The following INPP4B variants were observed in gnomAD, a reference collection of about 807,000 sequenced individuals.
The protein encoded by INPP4B is inositol polyphosphate-4-phosphatase type II B.
Under a neutral mutation model 122.5 loss-of-function variants are expected in INPP4B, and 55 were observed. That is an observed-to-expected ratio of 0.45 (90% CI 0.36 to 0.56). The LOEUF (loss-of-function observed/expected upper bound fraction) is 0.56, where lower values mean the gene tolerates loss of function less well. Ranked by LOEUF, INPP4B falls within the 20% of genes least tolerant of loss-of-function variation. INPP4B has a pLI of 0.00. For synonymous variants in INPP4B, 403 were observed against 388.7 expected (o/e 1.04, Z -0.43); for missense variants, 1,000 against 1,097.7 (o/e 0.91, Z 1.26).
At chr4:142,783,332 A>G (rs1168422401) in intron 1 of INPP4B, among the ~76,000 whole-genome samples, 2 of 152,014 alleles carry the variant, frequency 1.3e-5, no homozygotes, top group Admixed American at 6.6e-5. Flanking sequence ...AAAACAAACA[A>G]CCCCTTCAAA....
At chr4:142,255,785 G>C (rs999612542) in intron 11 of INPP4B, among the ~76,000 whole-genome samples, 7 of 151,842 alleles carry the variant, frequency 4.6e-5, no homozygotes, top group African/African-American at 1.7e-4. Flanking sequence ...GTCAACATTA[G>C]ACAGATCAAC....
chr4:142,506,919 T>C (rs1050574805), intron 2 of INPP4B, among the ~76,000 whole-genome samples: 2 of 152,170 alleles, frequency 1.3e-5, no homozygotes, highest in Non-Finnish European at 2.9e-5. Context: ...AGGACAGTGG[T>C]TGGAGAAAAG....
Position 142,618,745 on chromosome 4 carries a change from A to C in INPP4B, c.-191+107094T>G, listed in dbSNP as rs373739802. Among the ~76,000 whole-genome samples, 7 of 152,186 alleles carry C rather than the reference A, an allele frequency of 4.6e-5. No homozygotes were observed. The East Asian group carries it at 7.7e-4, about 17-fold the overall frequency. ...AACTAGGCAAATGGGACTATACCAAACTAAAAAGCTTCTGCAGAGTAAACA... is the reference window on the plus strand; with the variant it reads ...AACTAGGCAAATGGGACTATACCAACCTAAAAAGCTTCTGCAGAGTAAACA... On this transcript the variant is annotated intron_variant, in intron 2 of 25. Transcript: ENST00000262992.
chr4:142,715,897 G>C (rs1763694582), intron 2 of INPP4B, among the ~76,000 whole-genome samples: 1 of 152,166 alleles, frequency 6.6e-6, no homozygotes, highest in African/African-American at 2.4e-5. Flanking sequence ...TACATGGTTG[G>C]CAAATGATGC....
chr4:142,084,800 G>A (rs1019287074), intron 24 of INPP4B, among the ~76,000 whole-genome samples: 2 of 152,030 alleles, frequency 1.3e-5, no homozygotes, highest in South Asian at 2.1e-4. Context: ...TTATACATGT[G>A]TATCCTTAAT....
At chr4:142,223,223 C>T (rs953828533) in intron 12 of INPP4B, among the ~76,000 whole-genome samples, 4 of 152,050 alleles carry the variant, frequency 2.6e-5, no homozygotes, top group African/African-American at 9.7e-5. Context: ...CACTCACACA[C>T]ACACTATAGT....
chr4:142,084,904 G>A (rs552496162), intron 24 of INPP4B, among the ~76,000 whole-genome samples: 77 of 152,192 alleles, frequency 5.1e-4, no homozygotes, highest in South Asian at 2.7e-3. Flanking sequence ...TCTTCATGCC[G>A]TCATGTTTTC....
chr4:142,749,218 C>T, intron 1 of INPP4B, among the ~76,000 whole-genome samples: 1 of 145,040 alleles, frequency 6.9e-6, no homozygotes. Flanking sequence ...TATGTCTCAG[C>T]ATATATATAA....
chr4:142,475,832 G>C (rs1819702319), intron 2 of INPP4B, among the ~76,000 whole-genome samples: 1 of 152,154 alleles, frequency 6.6e-6, no homozygotes, highest in Non-Finnish European at 1.5e-5. Context: ...AAACCTCTGA[G>C]AAATATGAGA....
chr4:142,463,682 T>C (rs1817177292), intron 2 of INPP4B, among the ~76,000 whole-genome samples: 2 of 152,114 alleles, frequency 1.3e-5, no homozygotes, highest in Admixed American at 6.6e-5. Flanking sequence ...AATTGAATCA[T>C]GGGGGTGGTT....
intron 1 of INPP4B, among the ~76,000 whole-genome samples, chr4:142,792,749 G>A (rs776242628): frequency 4.6e-5 from 7 of 152,042 alleles, no homozygotes; most frequent in African/African-American, 7.2e-5. Context: ...AGCCAGTGGG[G>A]ATGGATTCTC....
intron 2 of INPP4B, among the ~76,000 whole-genome samples, chr4:142,512,415 C>A (rs1472813350): frequency 6.6e-6 from 1 of 152,146 alleles, no homozygotes; most frequent in Non-Finnish European, 1.5e-5. Flanking sequence ...ATTAGTAATA[C>A]ATCAAGTTCC....
At chr4:142,442,947 A>G (rs1249963630) in intron 3 of INPP4B, among the ~76,000 whole-genome samples, 1 of 152,214 alleles carries the variant, frequency 6.6e-6, no homozygotes, top group African/African-American at 2.4e-5. Flanking sequence ...GAGCTTGTGC[A>G]GGGGAACTCC....
At chr4:142,738,015 T>C (rs1316258283) in intron 1 of INPP4B, among the ~76,000 whole-genome samples, 2 of 152,236 alleles carry the variant, frequency 1.3e-5, no homozygotes, top group Admixed American at 6.5e-5. Flanking sequence ...TTGGTGGGAC[T>C]GTAAACTAGT....
chr4:142,397,792 T>G (rs543143404), intron 7 of INPP4B, among the ~76,000 whole-genome samples: 1 of 151,874 alleles, frequency 6.6e-6, no homozygotes, highest in Non-Finnish European at 1.5e-5. Context: ...TAAGCCAACA[T>G]TGAGCCACTG....
At chr4:142,590,797 T>C (rs1285843794) in intron 2 of INPP4B, among the ~76,000 whole-genome samples, 3 of 145,086 alleles carry the variant, frequency 2.1e-5, no homozygotes, top group African/African-American at 5.1e-5. Flanking sequence ...CTAGTAGCAA[T>C]GAAACAGGGT....
intron 25 of INPP4B, among the ~76,000 whole-genome samples, chr4:142,045,451 C>T (rs938625352): frequency 1.2e-4 from 18 of 152,114 alleles, no homozygotes; most frequent in Admixed American, 3.9e-4. Flanking sequence ...TTACAAGTGG[C>T]TTTCCAGAAC....
intron 2 of INPP4B, among the ~76,000 whole-genome samples, chr4:142,591,157 G>C: frequency 6.6e-6 from 1 of 151,996 alleles, no homozygotes; most frequent in East Asian, 1.9e-4. Flanking sequence ...AATTTGGCCA[G>C]GTGTGGTGGC....
At chr4:142,559,681 A>C (rs1343583475) in intron 2 of INPP4B, among the ~76,000 whole-genome samples, 1 of 152,170 alleles carries the variant, frequency 6.6e-6, no homozygotes, top group African/African-American at 2.4e-5. Flanking sequence ...TAGCCCTTTA[A>C]AAACAAACCT....
Sources: gnomAD v4.1 joint callset for allele counts (sites outside exome capture counted in the v4.1 genomes callset) on GRCh38, gnomAD v4.1.1 for gene constraint, MANE v1.5 for transcripts, NCBI Gene and HGNC (gene_info 2026-07-23, HGNC 2026-07-21) for gene names.